The following EGFR variants were observed in gnomAD, a reference collection of about 807,000 sequenced individuals.
EGFR encodes epidermal growth factor receptor.
EGFR carries 58 observed loss-of-function variants against 143.0 expected under a neutral mutation model. The observed-to-expected ratio is 0.41, with a 90% CI of 0.33 to 0.50. The LOEUF is 0.50. Among genes scored for constraint, EGFR ranks in the 20% least tolerant of loss-of-function variants. The probability of loss-of-function intolerance (pLI) is 0.39; values close to 1 mark genes in which losing one functional copy is unlikely to be tolerated. For synonymous variants in EGFR, 613 were observed against 594.4 expected (o/e 1.03, Z -0.45); for missense variants, 1,307 against 1,579.0 (o/e 0.83, Z 2.92).
intron 16 of EGFR, among the ~76,000 whole-genome samples, chr7:55,172,411 A>G (rs1294904222): frequency 6.6e-6 from 1 of 152,192 alleles, no homozygotes; most frequent in Non-Finnish European, 1.5e-5. Context: ...CACTCATCAC[A>G]ATGATGCTTT....
chr7:55,061,779 T>G (rs1789198619), intron 1 of EGFR, among the ~76,000 whole-genome samples: 1 of 152,294 alleles, frequency 6.6e-6, no homozygotes, highest in South Asian at 2.1e-4. Context: ...TGACTCTGAC[T>G]TAATCTACTT....
chr7:55,022,935 T>C (rs759263223), intron 1 of EGFR, among the ~76,000 whole-genome samples: 101 of 152,362 alleles, frequency 6.6e-4, no homozygotes, highest in Non-Finnish European at 1.4e-3. Context: ...GATTCCTCCC[T>C]GTTTGAAAAG....
intron 22 of EGFR, among the ~76,000 whole-genome samples, chr7:55,196,479 C>T (rs1282421770): frequency 6.6e-6 from 1 of 152,090 alleles, no homozygotes; most frequent in Non-Finnish European, 1.5e-5. Context: ...GTTGTCTTCA[C>T]TCTGATGATA....
chr7:55,210,267 A>G lies in EGFR; in HGVS notation c.*4650A>G, dbSNP rs1366055316. 6.6e-6 allele frequency: 1 copy of G among 152,218 alleles called. No homozygotes were observed. Among genetic ancestry groups the G allele is most frequent in the African/African-American group, 2.4e-5 (1 of 41,458 alleles). 9.4% of individuals were successfully genotyped at this position (152,218 alleles called of 1,614,324 possible). On this transcript the variant is annotated 3_prime_UTR_variant, in exon 28 of 28. Coordinates refer to ENST00000275493, the MANE Select transcript of EGFR (RefSeq NM_005228.5). ...TTATATTTACAATTGATATGCATTT[A>G]CCAGTATAAACTAGACATGTCTGGA... is the stretch of plus-strand genomic sequence containing the variant.
intron 1 of EGFR, among the ~76,000 whole-genome samples, chr7:55,086,982 A>C (rs1390000750): frequency 6.6e-6 from 1 of 152,052 alleles, no homozygotes; most frequent in Non-Finnish European, 1.5e-5. Flanking sequence ...ATGAGAAGTC[A>C]TTTTTCAGGG....
chr7:55,092,462 G>C (rs1168645915), intron 1 of EGFR, among the ~76,000 whole-genome samples: 1 of 152,136 alleles, frequency 6.6e-6, no homozygotes, highest in East Asian at 1.9e-4. Context: ...TCATAGTGTA[G>C]GGCACTTGCA....
chr7:55,109,217 T>C (rs1792317480), intron 1 of EGFR, among the ~76,000 whole-genome samples: 1 of 152,320 alleles, frequency 6.6e-6, no homozygotes, highest in African/African-American at 2.4e-5. Flanking sequence ...TGCAAAGTCA[T>C]TTAAAATCTA....
chr7:55,142,265 A>T (rs2128926076), intron 1 of EGFR, 21 bp from the exon 2 acceptor site: 1 of 1,614,082 alleles, frequency 6.2e-7, no homozygotes, highest in Admixed American at 1.7e-5. Context: ...ATTTCATGTG[A>T]TATCTGTCTT....
At chr7:55,141,750 T>C (rs879813032) in intron 1 of EGFR, among the ~76,000 whole-genome samples, 1 of 152,230 alleles carries the variant, frequency 6.6e-6, no homozygotes, top group Non-Finnish European at 1.5e-5. Context: ...GTTATGTTTG[T>C]AAACATTCAT....
intron 1 of EGFR, among the ~76,000 whole-genome samples, 174 bp from the exon 2 acceptor site, chr7:55,142,112 G>C (rs1413566979): frequency 2.0e-5 from 3 of 152,182 alleles, no homozygotes; most frequent in African/African-American, 7.2e-5. Flanking sequence ...AGTCACTAAA[G>C]CTCACTAAGT....
In EGFR at chr7:55,202,062, A is replaced by G. The variant is rs992134089; in HGVS notation, c.3162+280A>G. 2.0e-5 allele frequency among the ~76,000 whole-genome samples: 3 copies of G among 152,276 alleles called. No homozygotes were observed. In the South Asian group the frequency reaches 6.2e-4, roughly 32 times the overall value. On this transcript the variant is annotated intron_variant, in intron 26 of 27. Transcript: ENST00000275493. ...CTCTGGGGGTGGCACCCAGTAGTCT[A>G]TGTTTGAGCCACTTTCCAGGTGATG...
chr7:55,024,766 T>C (rs968777769), intron 1 of EGFR, among the ~76,000 whole-genome samples: 3 of 152,196 alleles, frequency 2.0e-5, no homozygotes, highest in African/African-American at 7.2e-5. Flanking sequence ...AAATTAGACT[T>C]GGTAATTGCC....
intron 17 of EGFR, among the ~76,000 whole-genome samples, chr7:55,173,682 T>G (rs995726804): frequency 6.6e-6 from 1 of 152,222 alleles, no homozygotes; most frequent in Non-Finnish European, 1.5e-5. Flanking sequence ...TTGTGTTTGT[T>G]GAAAGGTAGC....
chr7:55,041,543 T>C (rs1240188215), intron 1 of EGFR, among the ~76,000 whole-genome samples: 2 of 152,130 alleles, frequency 1.3e-5, no homozygotes, highest in African/African-American at 2.4e-5. Flanking sequence ...GCCACAAACA[T>C]ATATATGTAG....
chr7:55,179,576 G>A (rs962660035), intron 19 of EGFR, among the ~76,000 whole-genome samples: 1 of 152,196 alleles, frequency 6.6e-6, no homozygotes, highest in African/African-American at 2.4e-5. Context: ...GGAGGGAGGA[G>A]GGCAGTCAGC....
chr7:55,028,555 C>G (rs1330215500), intron 1 of EGFR, among the ~76,000 whole-genome samples: 1 of 152,102 alleles, frequency 6.6e-6, no homozygotes, highest in African/African-American at 2.4e-5. Context: ...TACCTGAAAG[C>G]TTTCAGGAGA....
In EGFR at chr7:55,202,530, C is replaced by T. The variant is rs1406092971; in HGVS notation, c.3176C>T (p.Pro1059Leu). 1.2e-6 allele frequency: 2 copies of T among 1,609,680 alleles called. No individual in the cohort carries two copies. Among genetic ancestry groups the T allele is most frequent in the South Asian group, 1.1e-5 (1 of 90,056 alleles). Residue 1059 changes from proline (P) to leucine (L), a missense_variant, in exon 27 of 28, where the codon CCC (proline) becomes CTC (leucine). Transcript: ENST00000275493. ...CIDRNGLQSC[P>L]IKEDSFLQRY... ...TTCCTCCTGCAGCTGCAAAGCTGTC[C>T]CATCAAGGAAGACAGCTTCTTGCAG...
chr7:55,050,779 A>G (rs922700825), intron 1 of EGFR, among the ~76,000 whole-genome samples: 3 of 152,086 alleles, frequency 2.0e-5, no homozygotes, highest in African/African-American at 7.2e-5. Context: ...GCCTTCCATC[A>G]TCTCTACCAG....
intron 4 of EGFR, among the ~76,000 whole-genome samples, chr7:55,150,872 G>A (rs17336521): frequency 2.5e-3 from 374 of 152,308 alleles, no homozygotes; most frequent in Middle Eastern, 6.8e-3. Flanking sequence ...ATCCCAGAAC[G>A]GCTGACACAT....
Sources: allele counts gnomAD v4.1 joint callset (sites outside exome capture counted in the v4.1 genomes callset), GRCh38; gene constraint gnomAD v4.1.1; transcripts MANE v1.5; gene names NCBI Gene and HGNC (gene_info 2026-07-23, HGNC 2026-07-21).